The following DENND1B variants were observed in gnomAD, a reference collection of about 807,000 sequenced individuals.
DENND1B encodes the protein DENN domain containing 1B, also known as DENN domain-containing protein 1B.
A neutral mutation model predicts 90.1 loss-of-function variants in DENND1B; 59 were observed. The observed-to-expected ratio is 0.65, with a 90% CI of 0.53 to 0.81. The LOEUF (loss-of-function observed/expected upper bound fraction) is 0.81. Among genes scored for constraint, DENND1B ranks in the 40% least tolerant of loss-of-function variants. The pLI is 0.00. For missense variants in DENND1B, 862 were observed against 912.6 expected (o/e 0.94, Z 0.71); for synonymous variants, 337 against 324.6 (o/e 1.04, Z -0.41).
intron 2 of DENND1B, 48 bp from the exon 3 acceptor site, chr1:197,715,122 T>C: frequency 6.6e-7 from 1 of 1,512,200 alleles, no homozygotes; most frequent in East Asian, 2.3e-5. Context: ...AAGAACACAT[T>C]TAAAGGAACA....
intron 10 of DENND1B, among the ~76,000 whole-genome samples, chr1:197,628,844 A>C (rs1679047267): frequency 6.6e-6 from 1 of 151,836 alleles, no homozygotes; most frequent in Non-Finnish European, 1.5e-5. Flanking sequence ...AAAACAAACA[A>C]CCCCATCAAA....
intron 13 of DENND1B, among the ~76,000 whole-genome samples, chr1:197,601,208 C>T (rs370606503): frequency 3.3e-5 from 5 of 149,868 alleles, no homozygotes; most frequent in Non-Finnish European, 5.9e-5. Context: ...TAGCACAATG[C>T]GTGTACATAG....
intron 10 of DENND1B, among the ~76,000 whole-genome samples, chr1:197,624,102 A>G (rs1056061684): frequency 6.6e-6 from 1 of 151,596 alleles, no homozygotes; most frequent in Non-Finnish European, 1.5e-5. Context: ...GAAGCAAAAG[A>G]CACAGAATAG....
intron 2 of DENND1B, among the ~76,000 whole-genome samples, chr1:197,729,547 AAGCAAATGAGCAG>A (rs1292543380): frequency 1.3e-5 from 2 of 152,190 alleles, no homozygotes; most frequent in African/African-American, 4.8e-5. Flanking sequence ...TAAAGATAAC[AAGCAAATGAGCAG>A]AGTAAAGCTA....
intron 9 of DENND1B, among the ~76,000 whole-genome samples, chr1:197,644,558 A>G (rs1245594549): frequency 6.6e-6 from 1 of 152,200 alleles, no homozygotes; most frequent in Non-Finnish European, 1.5e-5. Context: ...TCAGCCTTAA[A>G]GAAAACATTA....
chr1:197,519,126 C>CAT (rs1363011818), intron 20 of DENND1B, among the ~76,000 whole-genome samples: 2 of 151,908 alleles, frequency 1.3e-5, no homozygotes, highest in African/African-American at 4.8e-5. Context: ...TATCTGTCAG[C>CAT]ATATACATTT....
chr1:197,515,750 C>T (rs1031638917), intron 20 of DENND1B, among the ~76,000 whole-genome samples: 2 of 151,770 alleles, frequency 1.3e-5, no homozygotes, highest in African/African-American at 4.8e-5. Flanking sequence ...GCCTTTGACA[C>T]TAAACAGCTC....
At chr1:197,646,289 T>C (rs1010836215) in intron 8 of DENND1B, among the ~76,000 whole-genome samples, 7 of 151,978 alleles carry the variant, frequency 4.6e-5, no homozygotes, top group Non-Finnish European at 7.4e-5. Flanking sequence ...CAATAAAGCA[T>C]AATTTTTCAA....
At chr1:197,738,887 T>A (rs7525815) in intron 2 of DENND1B, among the ~76,000 whole-genome samples, 1 of 152,196 alleles carries the variant, frequency 6.6e-6, no homozygotes, top group Non-Finnish European at 1.5e-5. Flanking sequence ...TTCCAGGATG[T>A]GGCACAAGGT....
At chr1:197,573,577 G>T (rs1413171839) in intron 15 of DENND1B, among the ~76,000 whole-genome samples, 14 of 152,146 alleles carry the variant, frequency 9.2e-5, no homozygotes. Context: ...TAGAAAAAGA[G>T]GGAATCCTCC....
intron 2 of DENND1B, among the ~76,000 whole-genome samples, chr1:197,717,463 G>GA (rs1216042775): frequency 2.0e-5 from 3 of 151,424 alleles, no homozygotes; most frequent in Non-Finnish European, 4.4e-5. Context: ...CGTAATTAAA[G>GA]AAAAAAATTT....
rs568472892 is a variant in DENND1B, at chr1:197,508,938, T to C, written c.*1522A>G. On this transcript the variant is annotated 3_prime_UTR_variant, in exon 23 of 23. Transcript: ENST00000620048. ...TATACAGAATTCCCAGTTATTTATG[T>C]AGATACTTCTCTGCCCTAAAGAAGG... The C allele has an allele frequency of 6.6e-5, 10 of 151,682 alleles. No homozygotes were observed. Among genetic ancestry groups the C allele is most frequent in the Admixed American group, 2.0e-4 (3 of 15,186 alleles). The allele number at this position is 151,682 out of a possible 1,614,324, so 9.4% of individuals were successfully genotyped here.
At chr1:197,704,366 T>C (rs1181951829) in intron 3 of DENND1B, among the ~76,000 whole-genome samples, 1 of 152,242 alleles carries the variant, frequency 6.6e-6, no homozygotes, top group Non-Finnish European at 1.5e-5. Context: ...TTCTTACTTT[T>C]CACTGAACTA....
At chr1:197,570,898 A>C (rs1431521046) in intron 15 of DENND1B, among the ~76,000 whole-genome samples, 1 of 152,236 alleles carries the variant, frequency 6.6e-6, no homozygotes, top group Non-Finnish European at 1.5e-5. Context: ...TATAGAATGC[A>C]ATCATAAATG....
chr1:197,741,382 A>G (rs1447528684), intron 2 of DENND1B, among the ~76,000 whole-genome samples: 1 of 152,208 alleles, frequency 6.6e-6, no homozygotes, highest in Non-Finnish European at 1.5e-5. Context: ...ATTTATGCAT[A>G]TTTATAGAGC....
chr1:197,509,166 C>CA lies in DENND1B; in HGVS notation c.*1293dup, dbSNP rs1667865705. The CA allele has an allele frequency of 6.6e-6, 1 of 151,724 alleles. No individual in the cohort carries two copies. Among genetic ancestry groups the CA allele is most frequent in the Non-Finnish European group, 1.5e-5 (1 of 67,848 alleles). 9.4% of individuals were successfully genotyped at this position (151,724 alleles called of 1,614,324 possible). A position where few individuals can be genotyped will look rare whatever the true frequency, so the allele number is the denominator to read the frequency against. ...CACTTTACTTCTGTGATCATCTCCT[C>CA]AAAACCCACAATCCCAGTCTAATCA... On this transcript the variant is annotated 3_prime_UTR_variant, in exon 23 of 23. Transcript: ENST00000620048.
chr1:197,777,198 G>C (rs1337746480), upstream of DENND1B, among the ~76,000 whole-genome samples: 1 of 152,030 alleles, frequency 6.6e-6, no homozygotes, highest in Non-Finnish European at 1.5e-5. Context: ...CCAAAGAAAG[G>C]AACCCTACTT....
chr1:197,619,707 T>G (rs746180724), intron 10 of DENND1B, among the ~76,000 whole-genome samples: 1 of 151,260 alleles, frequency 6.6e-6, no homozygotes, highest in Non-Finnish European at 1.5e-5. Context: ...GTAAATACTT[T>G]CCCTGCCTCC....
At position 197,606,929 on chromosome 1, in the gene DENND1B, T is replaced by G. The variant is rs183804458; in HGVS notation, c.921+144A>C. On this transcript the variant is annotated intron_variant, in intron 13 of 22. Transcript: ENST00000620048. The stretch of plus-strand genomic sequence containing the variant: ...TGCTAAAAGGTAAAAATATTAAATA[T>G]AGAATCAACATTGATTTCTCTCACA... 4.8e-4 allele frequency: 297 copies of G among 623,528 alleles called. 2 individuals carry two copies. Among genetic ancestry groups the G allele is most frequent in the Non-Finnish European group, 9.9e-5 (35 of 355,270 alleles). The allele number at this position is 623,528 out of a possible 1,614,324, so 38.6% of individuals were successfully genotyped here.
Sources: allele counts gnomAD v4.1 joint callset (sites outside exome capture counted in the v4.1 genomes callset), GRCh38; gene constraint gnomAD v4.1.1; transcripts MANE v1.5; gene names NCBI Gene and HGNC (gene_info 2026-07-23, HGNC 2026-07-21).